The following PAAF1 variants were observed in gnomAD, a reference collection of about 807,000 sequenced individuals.
PAAF1 encodes proteasomal ATPase associated factor 1, also known as proteasomal ATPase-associated factor 1.
A neutral mutation model predicts 52.8 loss-of-function variants in PAAF1; 46 were observed. The observed-to-expected ratio is 0.87, with a 90% CI of 0.69 to 1.11. The LOEUF (loss-of-function observed/expected upper bound fraction) is 1.11, where lower values mean the gene tolerates loss of function less well. Among genes scored for constraint, PAAF1 ranks in the 50% most tolerant of loss-of-function variants. The pLI, the probability that PAAF1 is intolerant of heterozygous loss-of-function variation, is 0.00. For synonymous variants in PAAF1, 178 were observed against 172.8 expected, an observed-to-expected ratio of 1.03 and a Z score of -0.24; for missense variants, 424 against 477.4, an observed-to-expected ratio of 0.89 and a Z score of 1.04.
chr11:73,913,068 G>A (rs1949976344), intron 7 of PAAF1, among the ~76,000 whole-genome samples: 1 of 152,090 alleles, frequency 6.6e-6, no homozygotes, highest in African/African-American at 2.4e-5. Flanking sequence ...GTAGAGATGG[G>A]GTTTTGCCAT....
At chr11:73,901,230 T>G (rs1949603850) in intron 6 of PAAF1, among the ~76,000 whole-genome samples, 1 of 152,140 alleles carries the variant, frequency 6.6e-6, no homozygotes, top group Non-Finnish European at 1.5e-5. Flanking sequence ...TAGATTTAAA[T>G]TACAGTTCGT....
At chr11:73,897,786 C>T (rs949089604) in intron 4 of PAAF1, among the ~76,000 whole-genome samples, 5 of 152,110 alleles carry the variant, frequency 3.3e-5, no homozygotes, top group African/African-American at 7.2e-5. Flanking sequence ...GGGTGGCGGC[C>T]GGGCAGAGGC....
At chr11:73,923,916 G>C (rs1427124368) in intron 10 of PAAF1, among the ~76,000 whole-genome samples, 1 of 151,162 alleles carries the variant, frequency 6.6e-6, no homozygotes, top group Non-Finnish European at 1.5e-5. Context: ...TTTTAATAGG[G>C]AATATCTACA....
At chr11:73,912,413 C>G (rs1949957701) in intron 7 of PAAF1, among the ~76,000 whole-genome samples, 1 of 152,172 alleles carries the variant, frequency 6.6e-6, no homozygotes, top group African/African-American at 2.4e-5. Flanking sequence ...AGCCCAAAGC[C>G]TGAGATTCAC....
Position 73,891,131 on chromosome 11 carries a change from G to T in PAAF1, c.212G>T (p.Cys71Phe), listed in dbSNP as rs1426233421. Residue 71 changes from cysteine (C) to phenylalanine (F), a missense_variant, in exon 4 of 12, where the codon TGT becomes TTT. Transcript: ENST00000310571. ...GTTTAGAAAAGCATTCATATTTCAT[G>T]TCCAAAGGAAAATGCATCTTCTAAG... ...EINKKSIHISCPKENASSKFL... is the reference protein window; with the variant it reads ...EINKKSIHISFPKENASSKFL... 2 of 1,598,228 alleles carry T rather than the reference G, an allele frequency of 1.3e-6. No homozygotes were observed. Among genetic ancestry groups the T allele is most frequent in the East Asian group, 4.5e-5 (2 of 44,692 alleles).
chr11:73,923,714 T>C (rs974165765), intron 10 of PAAF1, among the ~76,000 whole-genome samples: 3 of 152,102 alleles, frequency 2.0e-5, no homozygotes, highest in Non-Finnish European at 4.4e-5. Context: ...TTTTTTTGTA[T>C]TTTTACTACT....
chr11:73,893,463 G>A (rs944207374), intron 4 of PAAF1, among the ~76,000 whole-genome samples: 1 of 152,078 alleles, frequency 6.6e-6, no homozygotes, highest in Non-Finnish European at 1.5e-5. Context: ...TAGGCTGGGC[G>A]CAGTGGCTCA....
At chr11:73,902,887 G>C (rs1029095281) in intron 6 of PAAF1, among the ~76,000 whole-genome samples, 16 of 152,100 alleles carry the variant, frequency 1.1e-4, no homozygotes, top group African/African-American at 3.6e-4. Flanking sequence ...TTTTAGTAGA[G>C]ACTGGGTTTC....
intron 10 of PAAF1, chr11:73,922,283 T>C: frequency 1.9e-6 from 1 of 529,104 alleles, no homozygotes; most frequent in Admixed American, 2.4e-5. Context: ...TAACTTCCAG[T>C]ACTGATGTCT....
chr11:73,927,563 C>G lies in PAAF1; in HGVS notation c.*201C>G, dbSNP rs1189326636. Reference sequence around the variant, plus strand: ...GAACTGAGTAAGAAGGTCATTGTGCCCACTGCATTTGTTCCAACTTCTCCT... The same window carrying G: ...GAACTGAGTAAGAAGGTCATTGTGCGCACTGCATTTGTTCCAACTTCTCCT... On this transcript the variant is annotated 3_prime_UTR_variant, in exon 12 of 12. Coordinates refer to ENST00000310571, the MANE Select transcript of PAAF1 (RefSeq NM_025155.3). 3.4e-6 allele frequency: 2 copies of G among 595,016 alleles called. No individual in the cohort carries two copies. Among genetic ancestry groups the G allele is most frequent in the Non-Finnish European group, 6.0e-6 (2 of 333,980 alleles). 36.9% of individuals were successfully genotyped at this position (595,016 alleles called of 1,614,324 possible).
chr11:73,901,341 T>C (rs984023482), intron 6 of PAAF1, among the ~76,000 whole-genome samples: 3 of 152,318 alleles, frequency 2.0e-5, no homozygotes, highest in African/African-American at 7.2e-5. Context: ...GGAAAAAATA[T>C]TATTTAGGTA....
rs375156920 is a variant in PAAF1, at chr11:73,909,425, C to G, written c.559C>G (p.Arg187Gly). The G allele has an allele frequency of 6.2e-7, 1 of 1,613,910 alleles. No individual in the cohort carries two copies. The highest frequency in any genetic ancestry group is 1.3e-5 in the African/African-American group (1 of 74,986). Reference protein sequence around the residue: ...GGILDTAIVDRGRNVVSASRD... With the variant: ...GGILDTAIVDGGRNVVSASRD... Reference sequence around the variant, plus strand: ...TATCCTGGATACAGCCATCGTTGATCGGGGGAGGAATGTGGTGTCTGCTTC... The same window carrying G: ...TATCCTGGATACAGCCATCGTTGATGGGGGGAGGAATGTGGTGTCTGCTTC... Residue 187 changes from arginine (R) to glycine (G), a missense_variant, in exon 7 of 12, where the codon CGG (arginine) becomes GGG (glycine). Transcript: ENST00000310571.
upstream of PAAF1, chr11:73,876,990 G>C: frequency 6.6e-7 from 1 of 1,515,026 alleles, no homozygotes; most frequent in Non-Finnish European, 8.9e-7. Context: ...GGGAAGGGGC[G>C]GAAGAGGTGG....
chr11:73,915,866 A>G (rs1166140428), intron 8 of PAAF1, among the ~76,000 whole-genome samples: 1 of 151,896 alleles, frequency 6.6e-6, no homozygotes, highest in Non-Finnish European at 1.5e-5. Context: ...TGATATTTCC[A>G]TTTTCAAAGT....
At chr11:73,876,788 C>T (rs11217), upstream of PAAF1, 7,944 of 392,898 alleles carry the variant, frequency 0.02, 90 homozygotes, top group Non-Finnish European at 0.028. Flanking sequence ...CCCGAACGCA[C>T]GCTCCTACGC....
chr11:73,922,146 A>T, intron 10 of PAAF1: 1 of 937,396 alleles, frequency 1.1e-6, no homozygotes, highest in Admixed American at 1.8e-5. Flanking sequence ...CATGTTTCCA[A>T]TGAGTTCAGT....
intron 2 of PAAF1, among the ~76,000 whole-genome samples, chr11:73,885,679 T>C (rs112988997): frequency 0.012 from 1,878 of 151,286 alleles, 44 homozygotes; most frequent in African/African-American, 0.043. Flanking sequence ...CCGTCTCTAC[T>C]AAAAATACAA....
chr11:73,881,213 C>T (rs923440187), intron 2 of PAAF1, among the ~76,000 whole-genome samples: 2 of 152,018 alleles, frequency 1.3e-5, no homozygotes, highest in Non-Finnish European at 2.9e-5. Context: ...AATCTAAGAG[C>T]AAAACATCAA....
At chr11:73,911,788 C>T (rs895661118) in intron 7 of PAAF1, among the ~76,000 whole-genome samples, 17 of 151,952 alleles carry the variant, frequency 1.1e-4, no homozygotes, top group Non-Finnish European at 1.5e-5. Flanking sequence ...TGCCCACCAC[C>T]ATGCCTGGCT....
Sources: allele counts gnomAD v4.1 joint callset (sites outside exome capture counted in the v4.1 genomes callset), GRCh38; gene constraint gnomAD v4.1.1; transcripts MANE v1.5; gene names NCBI Gene and HGNC (gene_info 2026-07-23, HGNC 2026-07-21).